The following DNAH8 variants were observed in gnomAD, a reference collection of about 807,000 sequenced individuals.
DNAH8 encodes the protein axonemal beta dynein heavy chain 8.
In DNAH8, 382 loss-of-function variants were observed where a neutral mutation model predicts 562.1. That is an observed-to-expected ratio of 0.68 (90% CI 0.63 to 0.74). The LOEUF (loss-of-function observed/expected upper bound fraction) is 0.74, where lower values mean the gene tolerates loss of function less well. Ranked by LOEUF, DNAH8 falls within the 30% of genes least tolerant of loss-of-function variation. The pLI is 0.00. For missense variants in DNAH8, 5,203 were observed against 5,620.4 expected (o/e 0.93, Z 2.37); for synonymous variants, 1,881 against 1,919.4 (o/e 0.98, Z 0.52).
chr6:38,973,721 G>A lies in DNAH8; in HGVS notation c.12586G>A (p.Glu4196Lys). ...LGLEFMEELLETLITTEASDD... is the reference protein window; with the variant it reads ...LGLEFMEELLKTLITTEASDD... ...CCTGGAATTCATGGAAGAATTACTA[G>A]AGACGCTAATTACCACTGAAGCCAG... Residue 4196 changes from glutamate to lysine, a missense_variant, in exon 84 of 93, where the codon GAG becomes AAG. Physicochemically the swap from Glu to Lys is moderately conservative, Grantham distance 56. Around this residue, in one of 6 missense-constraint regions of DNAH8, gnomAD observed 1,399 missense variants for 1,518.4 expected, o/e 0.92. Coordinates refer to ENST00000327475, the MANE Select transcript of DNAH8 (RefSeq NM_001206927.2). The A allele has an allele frequency of 6.2e-7, 1 of 1,610,234 alleles. No homozygotes were observed.
chr6:38,738,538 C>T lies in DNAH8; in HGVS notation c.1116+566C>T, dbSNP rs1213678925. On this transcript the variant is annotated intron_variant, in intron 7 of 92. Coordinates refer to ENST00000327475, the MANE Select transcript of DNAH8 (RefSeq NM_001206927.2). The stretch of plus-strand genomic sequence containing the variant: ...CACTATAAACACTGTGAAAGAAAAT[C>T]GGATATTACATAATTGCCCTAAACA... Among the ~76,000 whole-genome samples, 26 of 152,110 alleles carry T rather than the reference C, an allele frequency of 1.7e-4. 1 individual carries two copies. The highest frequency in any genetic ancestry group is 1.6e-3 in the Admixed American group (25 of 15,268).
intron 29 of DNAH8, among the ~76,000 whole-genome samples, chr6:38,827,865 T>C (rs1363280380): frequency 1.3e-5 from 2 of 150,128 alleles, no homozygotes; most frequent in African/African-American, 4.9e-5. Context: ...CTGTTCCTTG[T>C]ATAGTCAACC....
chr6:38,883,842 T>C (rs760316369), intron 55 of DNAH8, 34 bp from the exon 56 acceptor site: 5 of 1,484,712 alleles, frequency 3.4e-6, no homozygotes, highest in Non-Finnish European at 1.8e-6. Flanking sequence ...GATTAAAATC[T>C]AATGCATAAG....
chr6:38,870,533 C>T lies in DNAH8; in HGVS notation c.6961C>T (p.His2321Tyr), dbSNP rs747727253. 14 of 1,613,812 alleles carry T rather than the reference C, an allele frequency of 8.7e-6. No individual in the cohort carries two copies. Among genetic ancestry groups the T allele is most frequent in the Non-Finnish European group, 1.7e-6 (2 of 1,179,926 alleles). Residue 2321 changes from histidine to tyrosine, a missense_variant, in exon 49 of 93, where the codon CAT (histidine) becomes TAT (tyrosine). By Grantham distance (83) the His-to-Tyr change is moderately conservative. Coordinates refer to ENST00000327475, the MANE Select transcript of DNAH8 (RefSeq NM_001206927.2). ...HQVQIEGLIN[H>Y]PPWNLKLVQL... is the part of the protein sequence containing the mutation. The stretch of plus-strand genomic sequence containing the variant: ...GGTTCAGATAGAGGGTTTGATTAAC[C>T]ATCCACCCTGGAACCTGAAACTCGT...
At chr6:39,004,642 A>T (rs1190263547) in intron 88 of DNAH8, among the ~76,000 whole-genome samples, 3 of 152,226 alleles carry the variant, frequency 2.0e-5, no homozygotes, top group African/African-American at 7.2e-5. Flanking sequence ...ATATAACGTT[A>T]TAAGATTTCC....
At chr6:38,973,556 A>G (rs1416759877) in intron 83 of DNAH8, 105 bp from the exon 84 acceptor site, 1 of 845,114 alleles carries the variant, frequency 1.2e-6, no homozygotes, top group Non-Finnish European at 1.8e-6. Flanking sequence ...AATGTGTTCA[A>G]AACAGAGTAT....
chr6:38,792,856 G>A (rs1027179504), intron 21 of DNAH8, among the ~76,000 whole-genome samples: 3 of 152,052 alleles, frequency 2.0e-5, no homozygotes, highest in Non-Finnish European at 4.4e-5. Flanking sequence ...ATGGCTCACT[G>A]GAGCCTTGAC....
intron 21 of DNAH8, among the ~76,000 whole-genome samples, chr6:38,799,412 G>C (rs575282569): frequency 6.6e-6 from 1 of 151,916 alleles, no homozygotes; most frequent in East Asian, 1.9e-4. Context: ...CTCTCCAGCA[G>C]TATCATATGC....
At chr6:39,025,839 TC>T in intron 91 of DNAH8, among the ~76,000 whole-genome samples, 1 of 136,402 alleles carries the variant, frequency 7.3e-6, no homozygotes, top group Non-Finnish European at 1.7e-5. Context: ...GGTTTTGAAG[TC>T]CAGTTTGAAG....
chr6:38,808,440 T>A (rs1562858815), intron 24 of DNAH8, among the ~76,000 whole-genome samples: 1 of 152,172 alleles, frequency 6.6e-6, no homozygotes, highest in South Asian at 2.1e-4. Context: ...ACTGATGAGA[T>A]TAAATATACT....
chr6:39,022,573 C>CT (rs1309730489), intron 91 of DNAH8, among the ~76,000 whole-genome samples: 1 of 152,250 alleles, frequency 6.6e-6, no homozygotes, highest in Non-Finnish European at 1.5e-5. Flanking sequence ...CTGCCCTGCC[C>CT]TGCCCAGTCG....
At chr6:38,920,560 A>G (rs1244381099) in intron 70 of DNAH8, among the ~76,000 whole-genome samples, 2 of 152,216 alleles carry the variant, frequency 1.3e-5, no homozygotes, top group African/African-American at 4.8e-5. Context: ...TTGTTACCAA[A>G]GTAACAATCC....
In DNAH8 at chr6:38,898,359, T is replaced by C. The variant is rs1426136230; in HGVS notation, c.9042T>C (p.Asp3014=). Reference sequence around the variant, plus strand: ...CTCTTGATCTGGTGTTTTTTAAAGATGCAATGACTCATCTTATTAAGGTCC... The same window carrying C: ...CTCTTGATCTGGTGTTTTTTAAAGACGCAATGACTCATCTTATTAAGGTCC... ...GTSLDLVFFK[D]AMTHLIKISR... is the part of the protein sequence containing the mutation. The change falls in exon 61 of 93, where the codon GAT becomes GAC. Residue 3014 remains aspartate (D), a synonymous_variant. Transcript: ENST00000327475. The C allele has an allele frequency of 6.3e-7, 1 of 1,580,516 alleles. No homozygotes were observed. The highest frequency in any genetic ancestry group is 1.4e-5 in the African/African-American group (1 of 72,826).
intron 81 of DNAH8, among the ~76,000 whole-genome samples, chr6:38,950,295 A>G (rs1761787502): frequency 6.6e-6 from 1 of 151,836 alleles, no homozygotes; most frequent in Non-Finnish European, 1.5e-5. Context: ...TGAGAGGTAG[A>G]GTTATTTTGA....
chr6:38,860,679 A>G (rs1001997649), intron 43 of DNAH8, 50 bp downstream of exon 43: 1 of 1,267,116 alleles, frequency 7.9e-7, no homozygotes, highest in South Asian at 1.6e-5. Context: ...AAATGTGCAT[A>G]ACATTATTTA....
intron 92 of DNAH8, 115 bp downstream of exon 92, chr6:39,026,782 G>T: frequency 8.7e-7 from 1 of 1,152,916 alleles, no homozygotes. Context: ...TTGCAGTGAG[G>T]GTTCCCTCCA....
At chr6:38,876,113 A>T (rs1460440094) in intron 53 of DNAH8, among the ~76,000 whole-genome samples, 1 of 152,198 alleles carries the variant, frequency 6.6e-6, no homozygotes, top group African/African-American at 2.4e-5. Flanking sequence ...CTAATGCTGG[A>T]ATAGGAAAGG....
intron 48 of DNAH8, among the ~76,000 whole-genome samples, chr6:38,869,511 A>T (rs765225512): frequency 9.9e-5 from 15 of 152,174 alleles, no homozygotes; most frequent in Non-Finnish European, 2.2e-4. Context: ...GAATAAAGAG[A>T]AATCATAAGG....
At position 38,791,536 on chromosome 6, in the gene DNAH8, AC is replaced by A. The variant is rs777115556; in HGVS notation, c.2782-18del. On this transcript the variant is annotated intron_variant, in intron 20 of 92. Transcript: ENST00000327475. Reference sequence around the variant, plus strand: ...AAGGAAAGAAGAGTTTTTTTTTCTTACATTTTTCTTCCTTGTAGATCAGTGA... The same window carrying A: ...AAGGAAAGAAGAGTTTTTTTTTCTTAATTTTTCTTCCTTGTAGATCAGTGA... The A allele has an allele frequency of 2.2e-5, 35 of 1,590,670 alleles. No homozygotes were observed. Among genetic ancestry groups the A allele is most frequent in the Non-Finnish European group, 2.5e-5 (29 of 1,173,542 alleles).
Sources: allele counts gnomAD v4.1 joint callset (sites outside exome capture counted in the v4.1 genomes callset), GRCh38; gene constraint gnomAD v4.1.1; regional missense constraint gnomAD v4.1.1; transcripts MANE v1.5; gene names NCBI Gene and HGNC (gene_info 2026-07-23, HGNC 2026-07-21).